HSPBAP1: variants seen among roughly 807,000 people sequenced by gnomAD.
The protein encoded by HSPBAP1 is HSPB1-associated protein 1.
HSPBAP1 carries 27 observed loss-of-function variants against 45.2 expected under a neutral mutation model. The observed-to-expected ratio is 0.60, with a 90% CI of 0.44 to 0.82. The LOEUF is 0.82. HSPBAP1 is among the 40% of genes least tolerant of loss of function. The pLI, the probability that HSPBAP1 is intolerant of heterozygous loss-of-function variation, is 0.00. For missense variants in HSPBAP1, 510 were observed against 590.9 expected, an observed-to-expected ratio of 0.86 and a Z score of 1.42; for synonymous variants, 204 against 202.7, an observed-to-expected ratio of 1.01 and a Z score of -0.06.
chr3:122,754,943 C>A (rs1934290861), intron 5 of HSPBAP1: 2 of 1,042,364 alleles, frequency 1.9e-6, no homozygotes, highest in South Asian at 9.2e-5. Flanking sequence ...TGCTCGAGTA[C>A]CCATGCCTTG....
At chr3:122,768,622 G>A (rs1560141527) in intron 3 of HSPBAP1, 79 bp downstream of exon 3, 1 of 911,086 alleles carries the variant, frequency 1.1e-6, no homozygotes, top group African/African-American at 1.7e-5. Context: ...AGGCAGAGAA[G>A]GTGCCAGGGA....
chr3:122,763,041 G>A (rs1236468847), intron 3 of HSPBAP1, among the ~76,000 whole-genome samples: 2 of 152,092 alleles, frequency 1.3e-5, no homozygotes, highest in Admixed American at 6.5e-5. Flanking sequence ...AACTGTTATT[G>A]GGTTCATACA....
At chr3:122,762,026 TA>T (rs1265936171) in intron 3 of HSPBAP1, 1 of 152,100 alleles carries the variant, frequency 6.6e-6, no homozygotes, top group Non-Finnish European at 1.5e-5. Context: ...AGTCTACTCA[TA>T]CATACCTCAA....
At chr3:122,778,322 A>G (rs971473361) in intron 1 of HSPBAP1, among the ~76,000 whole-genome samples, 1 of 151,464 alleles carries the variant, frequency 6.6e-6, no homozygotes, top group African/African-American at 2.4e-5. Context: ...TTATAAGTTA[A>G]TACACACACA....
At chr3:122,753,960 AAAT>A in intron 5 of HSPBAP1, 1 of 913,196 alleles carries the variant, frequency 1.1e-6, no homozygotes, top group Non-Finnish European at 1.3e-6. Flanking sequence ...ATGGCTGTAA[AAAT>A]AATGATAAAA....
At chr3:122,777,999 G>A in intron 1 of HSPBAP1, 93 bp from the exon 2 acceptor site, 2 of 800,122 alleles carry the variant, frequency 2.5e-6, no homozygotes, top group Non-Finnish European at 4.0e-6. Flanking sequence ...TTTTTATCAT[G>A]GCAAATCATT....
intron 6 of HSPBAP1, among the ~76,000 whole-genome samples, chr3:122,751,657 G>A (rs1231589297): frequency 6.6e-6 from 1 of 152,166 alleles, no homozygotes; most frequent in Admixed American, 6.5e-5. Context: ...ATATGACTTT[G>A]GCATTGGGAG....
intron 5 of HSPBAP1, chr3:122,754,560 A>C (rs751230777): frequency 3.3e-5 from 33 of 985,120 alleles, no homozygotes; most frequent in Non-Finnish European, 3.7e-5. Flanking sequence ...TGAGTGAAGG[A>C]AGCAGGAAAA....
intron 5 of HSPBAP1, chr3:122,754,709 G>C (rs1274709553): frequency 1.0e-6 from 1 of 985,202 alleles, no homozygotes; most frequent in East Asian, 1.1e-4. Flanking sequence ...ATGTTGAAAA[G>C]GAAATTTTCC....
chr3:122,749,333 T>C (rs6438764), intron 6 of HSPBAP1, among the ~76,000 whole-genome samples: 24,713 of 151,994 alleles, frequency 0.16, 2,080 homozygotes, highest in African/African-American at 0.2. Context: ...TCTACATATT[T>C]AAAATATTAA....
intron 2 of HSPBAP1, among the ~76,000 whole-genome samples, chr3:122,770,261 T>C (rs2107524576): frequency 6.6e-6 from 1 of 152,326 alleles, no homozygotes; most frequent in East Asian, 1.9e-4. Context: ...TCACCTCACT[T>C]TGAGAAGCAG....
At chr3:122,791,135 A>G (rs1333175506) in intron 1 of HSPBAP1, among the ~76,000 whole-genome samples, 1 of 152,242 alleles carries the variant, frequency 6.6e-6, no homozygotes, top group African/African-American at 2.4e-5. Context: ...GAGGAAACTG[A>G]GGCTCAAAGG....
chr3:122,757,308 G>A (rs1013397671), intron 4 of HSPBAP1, among the ~76,000 whole-genome samples: 16 of 152,086 alleles, frequency 1.1e-4, no homozygotes, highest in Admixed American at 2.0e-4. Flanking sequence ...TACTCCCTCT[G>A]TCTCCAATGC....
chr3:122,768,587 C>T (rs1934869784), intron 3 of HSPBAP1, 114 bp downstream of exon 3: 3 of 687,860 alleles, frequency 4.4e-6, no homozygotes, highest in Admixed American at 2.8e-5. Flanking sequence ...ATCCAAGATT[C>T]ATGGCGATTA....
At chr3:122,780,857 C>A (rs549666927) in intron 1 of HSPBAP1, among the ~76,000 whole-genome samples, 1 of 127,160 alleles carries the variant, frequency 7.9e-6, no homozygotes, top group African/African-American at 2.8e-5. Flanking sequence ...CGGGCAGAGA[C>A]GCTCCTCACC....
intron 6 of HSPBAP1, among the ~76,000 whole-genome samples, chr3:122,747,503 C>T (rs1383739973): frequency 6.6e-6 from 1 of 150,828 alleles, no homozygotes; most frequent in South Asian, 2.1e-4. Flanking sequence ...GTCAGCCCCC[C>T]TCCCGGCCAG....
rs534839700 is a variant in HSPBAP1, at chr3:122,740,263, G to C, written c.*82C>G. The C allele has an allele frequency of 1.7e-5, 15 of 859,754 alleles. No homozygotes were observed. The highest frequency in any genetic ancestry group is 2.9e-5 in the South Asian group (1 of 34,478). The allele number at this position is 859,754 out of a possible 1,614,324, so 53.3% of individuals were successfully genotyped here. On this transcript the variant is annotated 3_prime_UTR_variant, in exon 8 of 8. Coordinates refer to ENST00000306103, the MANE Select transcript of HSPBAP1 (RefSeq NM_024610.6). ...TTACAAATGTGCAAACTGACCTTTT[G>C]CTGGTTCATCTTTATTTTAGTCATA...
chr3:122,779,530 G>T (rs143804263), intron 1 of HSPBAP1, among the ~76,000 whole-genome samples: 3 of 60,530 alleles, frequency 5.0e-5, no homozygotes, highest in Non-Finnish European at 9.8e-5. Context: ...ATTTTTTATT[G>T]ATCATTCTTG....
chr3:122,742,328 C>A (rs1274430561), intron 6 of HSPBAP1, among the ~76,000 whole-genome samples: 10 of 151,818 alleles, frequency 6.6e-5, no homozygotes, highest in African/African-American at 2.4e-4. Context: ...CTTAGAAACA[C>A]AATATTGAAC....
Sources: gnomAD v4.1 joint callset for allele counts (sites outside exome capture counted in the v4.1 genomes callset) on GRCh38, gnomAD v4.1.1 for gene constraint, MANE v1.5 for transcripts, NCBI Gene and HGNC (gene_info 2026-07-23, HGNC 2026-07-21) for gene names.